Variants in NME8 observed in about 807,000 individuals in gnomAD.
NME8 encodes the protein NME/NM23 family member 8.
A neutral mutation model predicts 82.3 loss-of-function variants in NME8; 72 were observed. The ratio of observed to expected loss-of-function variants is 0.87; its 90% CI spans 0.72 to 1.06. The LOEUF (loss-of-function observed/expected upper bound fraction) is 1.06. Ranked by LOEUF, NME8 falls within the 50% of genes least tolerant of loss-of-function variation. The pLI is 0.00. For synonymous variants in NME8, 267 were observed against 228.5 expected (o/e 1.17, Z -1.52); for missense variants, 712 against 685.4 (o/e 1.04, Z -0.43).
chr7:37,869,474 T>C (rs1217839571), intron 11 of NME8, among the ~76,000 whole-genome samples: 1 of 152,136 alleles, frequency 6.6e-6, no homozygotes, highest in Non-Finnish European at 1.5e-5. Flanking sequence ...CATCATTCCA[T>C]GGGGCTATTG....
In NME8 at chr7:37,896,687, C is replaced by T. The variant is rs2598120; in HGVS notation, c.1545-183C>T. On this transcript the variant is annotated intron_variant, in intron 16 of 17. Transcript: ENST00000199447. Reference sequence around the variant, plus strand: ...CTCTAGAATTAAATTATAGCACCCACCTAGCATATAAACCTATTAGAAGAG... The same window carrying T: ...CTCTAGAATTAAATTATAGCACCCATCTAGCATATAAACCTATTAGAAGAG... 0.95 allele frequency: 587,679 copies of T among 617,022 alleles called. 280,563 individuals carry two copies. Among genetic ancestry groups the T allele is most frequent in the Non-Finnish European group, 0.97 (340,162 of 349,324 alleles). 38.2% of individuals were successfully genotyped at this position (617,022 alleles called of 1,614,324 possible). A position where few individuals can be genotyped will look rare whatever the true frequency, so the allele number is the denominator to read the frequency against.
At chr7:37,850,800 A>G in intron 5 of NME8, 65 bp downstream of exon 5, 3 of 1,020,432 alleles carry the variant, frequency 2.9e-6, no homozygotes, top group Non-Finnish European at 4.7e-6. Context: ...GTATCCTCTA[A>G]TACTTTAAGT....
In NME8 at chr7:37,885,053, T is replaced by C. The variant is rs115848311; in HGVS notation, c.1140-92T>C. The C allele has an allele frequency of 2.4e-3, 1,831 of 775,946 alleles. 20 individuals carry two copies. In the African/African-American group the frequency reaches 0.028, roughly 12 times the overall value. The allele number at this position is 775,946 out of a possible 1,614,324, so 48.1% of individuals were successfully genotyped here. A position where few individuals can be genotyped will look rare whatever the true frequency, so the allele number is the denominator to read the frequency against. Reference sequence around the variant, plus strand: ...TATTTTACATGTTACATGTTTTTGATCTATTTAACAATATGCATTTGTATT... The same window carrying C: ...TATTTTACATGTTACATGTTTTTGACCTATTTAACAATATGCATTTGTATT... On this transcript the variant is annotated intron_variant, in intron 13 of 17. Transcript: ENST00000199447.
intron 16 of NME8, among the ~76,000 whole-genome samples, chr7:37,895,756 G>C (rs759614518): frequency 1.3e-5 from 2 of 152,104 alleles, no homozygotes; most frequent in Non-Finnish European, 2.9e-5. Context: ...CGTGATCATT[G>C]TAATGCAATG....
At chr7:37,887,967 G>A (rs1785069415) in intron 14 of NME8, among the ~76,000 whole-genome samples, 1 of 152,082 alleles carries the variant, frequency 6.6e-6, no homozygotes, top group African/African-American at 2.4e-5. Flanking sequence ...GGATTTTGGG[G>A]ATTACAATTC....
chr7:37,849,889 A>G (rs1236648651), intron 2 of NME8, among the ~76,000 whole-genome samples: 1 of 149,540 alleles, frequency 6.7e-6, no homozygotes, highest in African/African-American at 2.5e-5. Context: ...AAAAAAAAAA[A>G]AGAACAATGA....
chr7:37,879,126 TTA>T (rs35685455), intron 12 of NME8, among the ~76,000 whole-genome samples: 12 of 150,002 alleles, frequency 8.0e-5, no homozygotes, highest in Non-Finnish European at 1.2e-4. Context: ...AGCCTTTTCA[TTA>T]TATATATATA....
chr7:37,895,812 G>A (rs1003908344), intron 16 of NME8, among the ~76,000 whole-genome samples: 2 of 152,060 alleles, frequency 1.3e-5, no homozygotes, highest in East Asian at 3.8e-4. Flanking sequence ...AAATAACACT[G>A]TATTACAGTT....
chr7:37,865,762 G>A (rs541846269), intron 10 of NME8, 145 bp downstream of exon 10: 34 of 652,996 alleles, frequency 5.2e-5, no homozygotes, highest in African/African-American at 5.1e-4. Context: ...TCCATATCAT[G>A]GAGATGCCAA....
chr7:37,850,098 C>T (rs1784416875), intron 2 of NME8, among the ~76,000 whole-genome samples, 162 bp from the exon 3 acceptor site: 1 of 152,072 alleles, frequency 6.6e-6, no homozygotes, highest in Non-Finnish European at 1.5e-5. Context: ...GATTTAAATA[C>T]ACAAATATTT....
chr7:37,877,576 A>G (rs1440380519), intron 12 of NME8, among the ~76,000 whole-genome samples: 2 of 152,100 alleles, frequency 1.3e-5, no homozygotes, highest in Non-Finnish European at 2.9e-5. Flanking sequence ...TTGGCCTTTT[A>G]TTCTCTGACT....
At chr7:37,882,619 G>GAAAGAA (rs1238409191) in intron 12 of NME8, among the ~76,000 whole-genome samples, 2 of 86,784 alleles carry the variant, frequency 2.3e-5, no homozygotes, top group Admixed American at 1.1e-4. Flanking sequence ...GAGAGAGAAA[G>GAAAGAA]AAAGAAAGAA....
chr7:37,887,811 A>C (rs1304578979), intron 14 of NME8, among the ~76,000 whole-genome samples: 1 of 152,140 alleles, frequency 6.6e-6, no homozygotes, highest in African/African-American at 2.4e-5. Flanking sequence ...CAGGAGAGAG[A>C]ATGAGTGCCA....
At chr7:37,852,327 G>A (rs1056920392) in intron 5 of NME8, among the ~76,000 whole-genome samples, 1 of 151,242 alleles carries the variant, frequency 6.6e-6, no homozygotes, top group Non-Finnish European at 1.5e-5. Flanking sequence ...TGTTACAACG[G>A]ATTAGCCTAC....
chr7:37,865,237 T>C (rs982580261), intron 9 of NME8, among the ~76,000 whole-genome samples: 2 of 152,184 alleles, frequency 1.3e-5, no homozygotes, highest in African/African-American at 4.8e-5. Context: ...ACTTCCTAGA[T>C]ACAATAGGGG....
At position 37,865,563 on chromosome 7, in the gene NME8, G is replaced by T. The variant is rs201703314; in HGVS notation, c.567G>T (p.Lys189Asn). The part of the protein sequence containing the change: ...KAGFIIEAEH[K>N]TVLTEEQVVN... ...GATTTATTATAGAAGCAGAGCATAA[G>T]ACAGTGCTCACTGAAGAACAAGTTG... Residue 189 changes from lysine (K) to asparagine (N), a missense_variant, in exon 10 of 18, where the codon AAG (lysine) becomes AAT (asparagine). By Grantham distance (94) the Lys-to-Asn change is moderately conservative. Transcript: ENST00000199447. 12 of 1,613,378 alleles carry T rather than the reference G, an allele frequency of 7.4e-6. No individual in the cohort carries two copies. The Admixed American group carries it at 1.7e-4, about 22-fold the overall frequency.
chr7:37,850,826 A>T, intron 5 of NME8, 91 bp downstream of exon 5: 1 of 838,004 alleles, frequency 1.2e-6, no homozygotes, highest in Non-Finnish European at 2.0e-6. Context: ...CTTAATTTAA[A>T]CAACCTGTCA....
chr7:37,876,943 G>A lies in NME8; in HGVS notation c.930G>A (p.Met310Ile). 6.2e-7 allele frequency: 1 copy of A among 1,612,986 alleles called. No homozygotes were observed. Among genetic ancestry groups the A allele is most frequent in the African/African-American group, 1.3e-5 (1 of 74,990 alleles). Reference sequence around the variant, plus strand: ...CTTTCTTCCCCGATTTTAAAAAAATGAAAAGCATGAAATTAGAAAAGACAT... The same window carrying A: ...CTTTCTTCCCCGATTTTAAAAAAATAAAAAGCATGAAATTAGAAAAGACAT... ...MDAFFPDFKK[M>I]KSMKLEKTLA... is the part of the protein sequence containing the mutation. The change falls in exon 12 of 18, where the codon ATG becomes ATA. Residue 310 changes from methionine to isoleucine, a missense_variant. Coordinates refer to ENST00000199447, the MANE Select transcript of NME8 (RefSeq NM_016616.5).
At chr7:37,888,217 A>G (rs958699123) in intron 14 of NME8, 60 bp from the exon 15 acceptor site, 9 of 1,512,416 alleles carry the variant, frequency 6.0e-6, no homozygotes, top group Non-Finnish European at 8.3e-6. Flanking sequence ...ACTTATAGAA[A>G]TTGTGTTATA....
Sources: gnomAD v4.1 joint callset for allele counts (sites outside exome capture counted in the v4.1 genomes callset) on GRCh38, gnomAD v4.1.1 for gene constraint, MANE v1.5 for transcripts, NCBI Gene and HGNC (gene_info 2026-07-23, HGNC 2026-07-21) for gene names.